The following FANCM variants were observed in gnomAD, a reference collection of about 807,000 sequenced individuals.
FANCM encodes Fanconi anemia group M protein.
In FANCM, 140 loss-of-function variants were observed where a neutral mutation model predicts 199.5. The observed-to-expected ratio is 0.70, with a 90% confidence interval of 0.61 to 0.81. The LOEUF is 0.81. Among genes scored for constraint, FANCM ranks in the 30% least tolerant of loss-of-function variants. The probability of loss-of-function intolerance (pLI) is 0.00; values close to 1 mark genes in which losing one functional copy is unlikely to be tolerated. For missense variants in FANCM, 2,410 were observed against 2,421.4 expected (o/e 1.00, Z 0.10); for synonymous variants, 840 against 836.8 (o/e 1.00, Z -0.07).
chr14:45,144,108 A>T (rs1185230099), intron 3 of FANCM, among the ~76,000 whole-genome samples: 2 of 152,084 alleles, frequency 1.3e-5, no homozygotes, highest in Admixed American at 1.3e-4. Flanking sequence ...ATTTTGATAC[A>T]GGCATGCAGT....
chr14:45,157,859 T>C (rs1887306206), intron 8 of FANCM, among the ~76,000 whole-genome samples: 2 of 152,206 alleles, frequency 1.3e-5, no homozygotes, highest in Non-Finnish European at 2.9e-5. Context: ...ATACATAAAA[T>C]GCGTAGTGCG....
At chr14:45,150,906 T>G (rs1886774008) in intron 4 of FANCM, among the ~76,000 whole-genome samples, 1 of 152,180 alleles carries the variant, frequency 6.6e-6, no homozygotes, top group Non-Finnish European at 1.5e-5. Context: ...TGTTACATAG[T>G]AGATGGTTAA....
intron 9 of FANCM, among the ~76,000 whole-genome samples, chr14:45,163,940 T>C (rs1887779687): frequency 1.3e-5 from 2 of 152,210 alleles, no homozygotes; most frequent in South Asian, 4.1e-4. Context: ...TCCTTGATGC[T>C]GATTTTTTTG....
rs749034471 is a variant in FANCM at position 45,196,238 on chromosome 14, G to A, written c.5407G>A (p.Ala1803Thr). 15 of 1,614,006 alleles carry A rather than the reference G, an allele frequency of 9.3e-6. No homozygotes were observed. Among genetic ancestry groups the A allele is most frequent in the Middle Eastern group, 1.7e-4 (1 of 6,060 alleles). ...ASCSKSRPHL[A>T]GTHTSLRLPQ... ...CTGTTCCAAGTCAAGACCACATTTAGCTGGGACACATACTTCTCTTAGACT... is the reference window on the plus strand; with the variant it reads ...CTGTTCCAAGTCAAGACCACATTTAACTGGGACACATACTTCTCTTAGACT... The change falls in exon 21 of 23, where the codon GCT becomes ACT. Residue 1803 changes from alanine to threonine, a missense_variant. Physicochemically the swap from Ala to Thr is moderately conservative, Grantham distance 58 (BLOSUM62 0). Coordinates refer to ENST00000267430, the MANE Select transcript of FANCM (RefSeq NM_020937.4).
At chr14:45,164,769 A>ATGGATACTT (rs1436014874) in intron 10 of FANCM, among the ~76,000 whole-genome samples, 1 of 152,196 alleles carries the variant, frequency 6.6e-6, no homozygotes, top group Non-Finnish European at 1.5e-5. Flanking sequence ...CCATCTAAAG[A>ATGGATACTT]AACACATTTT....
At position 45,189,307 on chromosome 14, in the gene FANCM, C is replaced by A; in HGVS notation, c.5285C>A (p.Pro1762His). The change falls in exon 20 of 23, where the codon CCC (proline) becomes CAC (histidine). Residue 1762 changes from proline (P) to histidine (H), a missense_variant. By Grantham distance (77) the Pro-to-His change is moderately conservative (BLOSUM62 -2). Transcript: ENST00000267430. ...AATGAAGTCCAGTCTACCACACCAC[C>A]CTTCACTACTGTTGATTCACAGAAA... ...NHNEVQSTTP[P>H]FTTVDSQKDC... is the part of the protein sequence containing the mutation. 5 of 1,613,826 alleles carry A rather than the reference C, an allele frequency of 3.1e-6. No homozygotes were observed. Among genetic ancestry groups the A allele is most frequent in the Non-Finnish European group, 4.2e-6 (5 of 1,179,722 alleles).
chr14:45,161,614 A>G lies in FANCM; in HGVS notation c.1581+2334A>G, dbSNP rs147673875. Among the ~76,000 whole-genome samples the G allele has an allele frequency of 2.8e-4, 43 of 152,210 alleles. No homozygotes were observed. In the Middle Eastern group the frequency reaches 0.01, roughly 36 times the overall value. On this transcript the variant is annotated intron_variant, in intron 9 of 22. Coordinates refer to ENST00000267430, the MANE Select transcript of FANCM (RefSeq NM_020937.4). ...GGCAACATGGTAAAACCTTATCTCT[A>G]CCAAAAATACAAAAATTAGCTGGGT...
chr14:45,148,196 CAA>C lies in FANCM; in HGVS notation c.760-637_760-636del, dbSNP rs912216684. Among the ~76,000 whole-genome samples the C allele has an allele frequency of 2.4e-4, 34 of 143,964 alleles. 1 individual carries two copies. The highest frequency in any genetic ancestry group is 4.1e-4 in the Admixed American group (6 of 14,712). The allele number at this position is 143,964 out of a possible 152,430, so 94.4% of individuals were successfully genotyped here. A position where few individuals can be genotyped will look rare whatever the true frequency, so the allele number is the denominator to read the frequency against. ...CGGGTGACAGAACGAGGCACCGTCT[CAA>C]AAACACACACACACACACACACACA... On this transcript the variant is annotated intron_variant, in intron 3 of 22. Transcript: ENST00000267430.
chr14:45,192,544 G>A (rs1889827099), intron 20 of FANCM, among the ~76,000 whole-genome samples: 1 of 152,178 alleles, frequency 6.6e-6, no homozygotes, highest in African/African-American at 2.4e-5. Context: ...TCAGGAGGCT[G>A]CGCCAGGAGA....
chr14:45,162,733 C>T (rs539921334), intron 9 of FANCM, among the ~76,000 whole-genome samples: 38 of 152,222 alleles, frequency 2.5e-4, no homozygotes, highest in African/African-American at 8.2e-4. Context: ...AGTGTATATT[C>T]AATGGCAAAT....
In FANCM at chr14:45,148,953, G is replaced by T. The variant is rs150757891; in HGVS notation, c.876G>T (p.Pro292=). Residue 292 remains proline, a synonymous_variant, in exon 4 of 23, where the codon CCG becomes CCT. Transcript: ENST00000267430. Reference sequence around the variant, plus strand: ...GAAAAGTTGAAAAGCTTATTGTTCCGCTTGGTGAAGAACTTGCAGCCATCC... The same window carrying T: ...GAAAAGTTGAAAAGCTTATTGTTCCTCTTGGTGAAGAACTTGCAGCCATCC... The part of the protein sequence containing the change: ...HERKVEKLIV[P]LGEELAAIQK... The T allele has an allele frequency of 4.2e-5, 68 of 1,613,680 alleles. No homozygotes were observed. In the East Asian group the frequency reaches 1.4e-3, roughly 33 times the overall value.
chr14:45,178,074 A>C (rs541975270), intron 14 of FANCM, among the ~76,000 whole-genome samples: 13 of 152,368 alleles, frequency 8.5e-5, no homozygotes, highest in African/African-American at 2.9e-4. Context: ...TTATGTTAAA[A>C]GCTGAATAAA....
rs1021171253 is a variant in FANCM at position 45,200,275 on chromosome 14, A to C, written c.*267A>C. Reference sequence around the variant, plus strand: ...AGTGTTACTAAGGATAGTTTAAGAAAGTAAAAGCTAAGCTAGAGATATACT... The same window carrying C: ...AGTGTTACTAAGGATAGTTTAAGAACGTAAAAGCTAAGCTAGAGATATACT... On this transcript the variant is annotated 3_prime_UTR_variant, in exon 23 of 23. Coordinates refer to ENST00000267430, the MANE Select transcript of FANCM (RefSeq NM_020937.4). 4 of 164,488 alleles carry C rather than the reference A, an allele frequency of 2.4e-5. No individual in the cohort carries two copies. The highest frequency in any genetic ancestry group is 3.8e-5 in the Non-Finnish European group (3 of 78,314). The allele number at this position is 164,488 out of a possible 1,614,324, so 10.2% of individuals were successfully genotyped here. A position where few individuals can be genotyped will look rare whatever the true frequency, so the allele number is the denominator to read the frequency against.
rs1300222641 is a variant in FANCM, at chr14:45,164,474, G to A, written c.1697G>A (p.Ser566Asn). Residue 566 changes from serine to asparagine, a missense_variant, in exon 10 of 23, where the codon AGC becomes AAC. Physicochemically the swap from Ser to Asn is conservative, Grantham distance 46 (BLOSUM62 1). Transcript: ENST00000267430. ...DLIICFDSQK[S>N]PIRLVQRMGR... ...ATAATATGTTTTGATTCCCAGAAGA[G>A]CCCAATTCGTCTTGTACAACGAATG... 1.9e-6 allele frequency: 3 copies of A among 1,613,448 alleles called. No individual in the cohort carries two copies. Among genetic ancestry groups the A allele is most frequent in the Non-Finnish European group, 2.5e-6 (3 of 1,179,874 alleles).
At position 45,136,412 on chromosome 14, in the gene FANCM, T is replaced by C. The variant is rs1229715780; in HGVS notation, c.381T>C (p.Asn127=). The change falls in exon 1 of 23, where the codon AAT becomes AAC. Residue 127 remains asparagine, a synonymous_variant. Coordinates refer to ENST00000267430, the MANE Select transcript of FANCM (RefSeq NM_020937.4). ...KTFIAAVVMY[N]FYRWFPSGKV... ...TTATTGCCGCCGTGGTCATGTACAA[T>C]TTCTACCGCTGGTTCCCTTCAGGAA... The C allele has an allele frequency of 6.2e-7, 1 of 1,614,046 alleles. No individual in the cohort carries two copies. Among genetic ancestry groups the C allele is most frequent in the African/African-American group, 1.3e-5 (1 of 74,910 alleles).
At position 45,175,211 on chromosome 14, in the gene FANCM, G is replaced by T. The variant is rs145592211; in HGVS notation, c.2457G>T (p.Lys819Asn). The change falls in exon 14 of 23, where the codon AAG becomes AAT. Residue 819 changes from lysine (K) to asparagine (N), a missense_variant. Transcript: ENST00000267430. ...FITHKKSSFI[K>N]NINQGSSSSV... is the part of the protein sequence containing the mutation. ...CTCACAAGAAATCGTCATTTATAAA[G>T]AACATAAATCAAGGCAGTTCATCCT... 6.8e-6 allele frequency: 11 copies of T among 1,611,812 alleles called. No individual in the cohort carries two copies. The highest frequency in any genetic ancestry group is 8.5e-6 in the Non-Finnish European group (10 of 1,178,676).
In FANCM at chr14:45,148,940, A is replaced by C. The variant is rs758632737; in HGVS notation, c.863A>C (p.Lys288Thr). ...TATTCTCATGAAAGAAAAGTTGAAA[A>C]GCTTATTGTTCCGCTTGGTGAAGAA... is the stretch of plus-strand genomic sequence containing the variant. ...LTYSHERKVE[K>T]LIVPLGEELA... Residue 288 changes from lysine (K) to threonine (T), a missense_variant, in exon 4 of 23, where the codon AAG (lysine) becomes ACG (threonine). Lys to Thr is a moderately conservative substitution (Grantham distance 78, BLOSUM62 -1). Coordinates refer to ENST00000267430, the MANE Select transcript of FANCM (RefSeq NM_020937.4). 1.2e-6 allele frequency: 2 copies of C among 1,613,952 alleles called. No individual in the cohort carries two copies. Among genetic ancestry groups the C allele is most frequent in the Non-Finnish European group, 1.7e-6 (2 of 1,179,880 alleles).
chr14:45,163,778 G>A (rs1351810443), intron 9 of FANCM, among the ~76,000 whole-genome samples: 1 of 152,024 alleles, frequency 6.6e-6, no homozygotes, highest in Non-Finnish European at 1.5e-5. Context: ...GTAAACTCTG[G>A]GTTTTCTCAT....
intron 11 of FANCM, among the ~76,000 whole-genome samples, chr14:45,167,738 A>G (rs924964957): frequency 2.0e-5 from 3 of 152,114 alleles, no homozygotes; most frequent in South Asian, 2.1e-4. Context: ...AAAAATGTTT[A>G]TTTTTTGGAT....
Sources: gnomAD v4.1 joint callset for allele counts (sites outside exome capture counted in the v4.1 genomes callset) on GRCh38, gnomAD v4.1.1 for gene constraint, MANE v1.5 for transcripts, NCBI Gene and HGNC (gene_info 2026-07-23, HGNC 2026-07-21) for gene names.